SAMSN1: variants seen among roughly 807,000 people sequenced by gnomAD.
SAMSN1 encodes the protein SAM domain-containing protein SAMSN-1.
Under a neutral mutation model 42.0 loss-of-function variants are expected in SAMSN1, and 31 were observed. The observed-to-expected ratio is 0.74, with a 90% CI of 0.55 to 1.00. The LOEUF is 1.00. Among genes scored for constraint, SAMSN1 ranks in the 50% least tolerant of loss-of-function variants. SAMSN1 has a pLI of 0.00. For synonymous variants in SAMSN1, 178 were observed against 151.9 expected (o/e 1.17, Z -1.26); for missense variants, 464 against 439.4 (o/e 1.06, Z -0.50).
intron 5 of SAMSN1, 83 bp from the exon 6 acceptor site, chr21:14,500,818 T>C: frequency 1.8e-6 from 2 of 1,087,052 alleles, no homozygotes; most frequent in Non-Finnish European, 2.8e-6. Context: ...ACTAGAATAA[T>C]GAGGACATTA....
chr21:14,575,747 T>C (rs1452889207), intron 2 of SAMSN1, among the ~76,000 whole-genome samples: 2 of 152,208 alleles, frequency 1.3e-5, no homozygotes, highest in Non-Finnish European at 2.9e-5. Flanking sequence ...CAGAGGTTTT[T>C]TGGCAGGAGC....
chr21:14,605,670 G>T (rs1213139331), intron 5 of SAMSN1, among the ~76,000 whole-genome samples: 7 of 151,976 alleles, frequency 4.6e-5, no homozygotes, highest in Middle Eastern at 3.2e-3. Flanking sequence ...ATATTGACTA[G>T]AATTCAGGAG....
chr21:14,642,246 G>C (rs1983613658), intron 2 of SAMSN1, among the ~76,000 whole-genome samples: 1 of 152,138 alleles, frequency 6.6e-6, no homozygotes. Flanking sequence ...ACAAGAGTTA[G>C]AATAGCCAGC....
intron 2 of SAMSN1, among the ~76,000 whole-genome samples, chr21:14,581,083 AG>A (rs1447628083): frequency 1.3e-5 from 2 of 152,164 alleles, no homozygotes; most frequent in Non-Finnish European, 2.9e-5. Context: ...CCAAAAAAAA[AG>A]TAGCACAGCC....
intron 2 of SAMSN1, among the ~76,000 whole-genome samples, chr21:14,626,767 C>G (rs1487023737): frequency 6.6e-6 from 1 of 152,158 alleles, no homozygotes; most frequent in Non-Finnish European, 1.5e-5. Flanking sequence ...GCCAGCCATC[C>G]CATTACTGGG....
chr21:14,627,353 C>A (rs1227540861), intron 2 of SAMSN1, among the ~76,000 whole-genome samples: 1 of 151,934 alleles, frequency 6.6e-6, no homozygotes, highest in Non-Finnish European at 1.5e-5. Flanking sequence ...ATGCATATAC[C>A]CCAATAAAAG....
intron 2 of SAMSN1, among the ~76,000 whole-genome samples, chr21:14,576,655 C>T (rs1981476274): frequency 8.9e-6 from 1 of 112,312 alleles, no homozygotes; most frequent in Non-Finnish European, 1.6e-5. Context: ...AGAATTTTTC[C>T]ATCATCCACA....
rs895333270 is a variant in SAMSN1 at position 14,568,949 on chromosome 21, A to T, written c.261+13187T>A. Among the ~76,000 whole-genome samples the T allele has an allele frequency of 5.3e-5, 8 of 152,086 alleles. No individual in the cohort carries two copies. The East Asian group carries it at 7.7e-4, about 15-fold the overall frequency. ...AAAATGCACTCCTTCAAAATAACAA[A>T]ATTAACCAGAATTCATTTTACTTCA... is the stretch of plus-strand genomic sequence containing the variant. On this transcript the variant is annotated intron_variant, in intron 2 of 8. Coordinates refer to the SAMSN1 transcript ENST00000285670.
intron 2 of SAMSN1, among the ~76,000 whole-genome samples, chr21:14,633,393 C>T (rs1420216261): frequency 6.6e-6 from 1 of 152,178 alleles, no homozygotes; most frequent in Non-Finnish European, 1.5e-5. Flanking sequence ...ATTTATGGAG[C>T]CATTTTAGTG....
At chr21:14,577,252 A>ATATATATATATGTG (rs1981512686) in intron 2 of SAMSN1, among the ~76,000 whole-genome samples, 1 of 35,220 alleles carries the variant, frequency 2.8e-5, no homozygotes, top group South Asian at 1.0e-3. Flanking sequence ...ATATATATAT[A>ATATATATATATGTG]TATATATATA....
chr21:14,607,044 A>G (rs893894005), intron 5 of SAMSN1, among the ~76,000 whole-genome samples: 6 of 152,204 alleles, frequency 3.9e-5, no homozygotes, highest in Non-Finnish European at 7.3e-5. Flanking sequence ...TGAATTTTAT[A>G]AGATTGCTTA....
chr21:14,585,830 T>C (rs1981899264), upstream of SAMSN1, among the ~76,000 whole-genome samples: 1 of 152,214 alleles, frequency 6.6e-6, no homozygotes, highest in Admixed American at 6.5e-5. Context: ...CTAGACTCAT[T>C]ACTTTCTAGT....
chr21:14,584,162 T>C (rs1981849127), upstream of SAMSN1, among the ~76,000 whole-genome samples: 1 of 152,214 alleles, frequency 6.6e-6, no homozygotes, highest in Non-Finnish European at 1.5e-5. Flanking sequence ...AGTATTGGAA[T>C]AGACTGATAG....
intron 2 of SAMSN1, among the ~76,000 whole-genome samples, chr21:14,581,141 A>G (rs1340542420): frequency 6.6e-6 from 1 of 151,860 alleles, no homozygotes; most frequent in Non-Finnish European, 1.5e-5. Flanking sequence ...ACTCTTTCTC[A>G]CGTATCACAT....
intron 2 of SAMSN1, among the ~76,000 whole-genome samples, chr21:14,563,490 T>C (rs1038164664): frequency 1.3e-5 from 2 of 152,180 alleles, no homozygotes; most frequent in African/African-American, 4.8e-5. Context: ...TGTAAAATCA[T>C]AAAATTTATT....
intron 7 of SAMSN1, among the ~76,000 whole-genome samples, chr21:14,489,415 AC>A (rs1321401519): frequency 6.6e-6 from 1 of 152,200 alleles, no homozygotes; most frequent in Non-Finnish European, 1.5e-5. Context: ...TAACTTACAA[AC>A]AAAAGTGTTC....
At chr21:14,580,374 A>G (rs1406981825) in intron 2 of SAMSN1, among the ~76,000 whole-genome samples, 1 of 152,258 alleles carries the variant, frequency 6.6e-6, no homozygotes, top group South Asian at 2.1e-4. Flanking sequence ...TTATTCTTGA[A>G]GAAAACTCTG....
Position 14,623,918 on chromosome 21 carries a change from C to T in SAMSN1, c.157-7902G>A, listed in dbSNP as rs531168829. 5.5e-4 allele frequency among the ~76,000 whole-genome samples: 83 copies of T among 152,280 alleles called. 2 individuals are homozygous for T. The highest frequency in any genetic ancestry group is 3.7e-3 in the South Asian group (18 of 4,830). On this transcript the variant is annotated intron_variant, in intron 2 of 15. Transcript: ENST00000647101. ...AAATGTAAAAGAAAAGAAATTATAA[C>T]AAACTGTCTCTCAGACCACAGAGCA...
chr21:14,567,308 A>AC (rs1568811628), intron 2 of SAMSN1, among the ~76,000 whole-genome samples: 1 of 151,874 alleles, frequency 6.6e-6, no homozygotes, highest in African/African-American at 2.4e-5. Context: ...TGAAAAAAAA[A>AC]AAAACACAAA....
Sources: allele counts gnomAD v4.1 joint callset (sites outside exome capture counted in the v4.1 genomes callset), GRCh38; gene constraint gnomAD v4.1.1; transcripts MANE v1.5; gene names NCBI Gene and HGNC (gene_info 2026-07-23, HGNC 2026-07-21).